CDYL: variants seen among roughly 807,000 people sequenced by gnomAD.
CDYL encodes the protein chromodomain Y-like protein.
CDYL carries 8 observed loss-of-function variants against 47.3 expected under a neutral mutation model. That is an observed-to-expected ratio of 0.17 (90% CI 0.10 to 0.31). The LOEUF is 0.31. Among genes scored for constraint, CDYL ranks in the 10% least tolerant of loss-of-function variants. The pLI, the probability that CDYL is intolerant of heterozygous loss-of-function variation, is 1.00. For synonymous variants in CDYL, 266 were observed against 265.0 expected, an observed-to-expected ratio of 1.00 and a Z score of -0.04; for missense variants, 471 against 701.4, an observed-to-expected ratio of 0.67 and a Z score of 3.71.
At chr6:4,788,086 A>G (rs1269622369) in intron 1 of CDYL, among the ~76,000 whole-genome samples, 1 of 151,972 alleles carries the variant, frequency 6.6e-6, no homozygotes, top group Non-Finnish European at 1.5e-5. Context: ...TTCGAGTCTT[A>G]TAGTCATAAT....
At chr6:4,723,970 T>C (rs570927274) in intron 2 of CDYL, among the ~76,000 whole-genome samples, 1 of 152,282 alleles carries the variant, frequency 6.6e-6, no homozygotes, top group East Asian at 1.9e-4. Context: ...AAAAGAGAGA[T>C]TTATGTATCC....
At chr6:4,918,934 T>C (rs1334261731) in intron 2 of CDYL, among the ~76,000 whole-genome samples, 1 of 152,186 alleles carries the variant, frequency 6.6e-6, no homozygotes, top group African/African-American at 2.4e-5. Context: ...AAGATTAAAA[T>C]TGACACAGGA....
chr6:4,840,338 A>G (rs951348142), intron 1 of CDYL, among the ~76,000 whole-genome samples: 5 of 152,176 alleles, frequency 3.3e-5, no homozygotes, highest in African/African-American at 1.2e-4. Flanking sequence ...GTATATGATC[A>G]TGTCATCAGC....
At chr6:4,855,531 C>G (rs1760980172) in intron 1 of CDYL, among the ~76,000 whole-genome samples, 1 of 152,160 alleles carries the variant, frequency 6.6e-6, no homozygotes, top group African/African-American at 2.4e-5. Flanking sequence ...AGATTCTCAA[C>G]CTAGAAAGTT....
chr6:4,911,067 C>G lies in CDYL; in HGVS notation c.691+18688C>G, dbSNP rs759153296. 3.3e-5 allele frequency among the ~76,000 whole-genome samples: 5 copies of G among 152,256 alleles called. No homozygotes were observed. The East Asian group carries it at 5.8e-4, about 18-fold the overall frequency. On this transcript the variant is annotated intron_variant, in intron 2 of 6. Coordinates refer to ENST00000397588, the MANE Select transcript of CDYL (RefSeq NM_004824.4). ...GGTCTCGATCTCTTGACCTCGTGAT[C>G]CACCCGCCTTGGCCTCCCAAAGTGC...
At chr6:4,947,390 C>A (rs1196559010) in intron 5 of CDYL, among the ~76,000 whole-genome samples, 1 of 152,150 alleles carries the variant, frequency 6.6e-6, no homozygotes, top group Non-Finnish European at 1.5e-5. Flanking sequence ...AGCTGACAGA[C>A]CCTCCTCCAG....
chr6:4,911,663 G>C (rs1209842180), intron 2 of CDYL, among the ~76,000 whole-genome samples: 1 of 151,932 alleles, frequency 6.6e-6, no homozygotes, highest in East Asian at 1.9e-4. Context: ...CCGCCCCTTA[G>C]CTTTAAATAA....
intron 1 of CDYL, among the ~76,000 whole-genome samples, chr6:4,780,741 A>AT (rs1561847220): frequency 6.6e-6 from 1 of 152,170 alleles, no homozygotes; most frequent in Non-Finnish European, 1.5e-5. Flanking sequence ...AGGAAAAAAA[A>AT]CCCATCCAAC....
At chr6:4,942,748 C>G (rs1318670520) in intron 4 of CDYL, among the ~76,000 whole-genome samples, 1 of 152,156 alleles carries the variant, frequency 6.6e-6, no homozygotes, top group African/African-American at 2.4e-5. Flanking sequence ...AAAGCAAATC[C>G]CAAAATAGCA....
intron 1 of CDYL, among the ~76,000 whole-genome samples, chr6:4,826,395 G>A (rs145130466): frequency 3.6e-4 from 55 of 151,742 alleles, no homozygotes; most frequent in African/African-American, 1.2e-3. Flanking sequence ...TGGTACCTTC[G>A]GGTTTACTTT....
intron 1 of CDYL, among the ~76,000 whole-genome samples, chr6:4,876,059 C>T (rs919665945): frequency 6.6e-6 from 1 of 152,230 alleles, no homozygotes; most frequent in Non-Finnish European, 1.5e-5. Context: ...AAAAGCTTAT[C>T]AAGCTGGAAA....
chr6:4,878,690 G>A (rs1761683085), intron 1 of CDYL, among the ~76,000 whole-genome samples: 2 of 151,760 alleles, frequency 1.3e-5, no homozygotes, highest in Admixed American at 1.3e-4. Flanking sequence ...TTGACTTAGG[G>A]CTATATCAAT....
chr6:4,943,863 G>C, intron 5 of CDYL, 107 bp downstream of exon 5: 3 of 796,568 alleles, frequency 3.8e-6, no homozygotes, highest in Non-Finnish European at 5.8e-6. Flanking sequence ...GTCATTCTGT[G>C]GGGACTTTCC....
At chr6:4,719,935 C>G (rs895197620) in intron 2 of CDYL, among the ~76,000 whole-genome samples, 1 of 152,216 alleles carries the variant, frequency 6.6e-6, no homozygotes, top group Non-Finnish European at 1.5e-5. Flanking sequence ...CTGTGTACAA[C>G]AAAATCACAT....
intron 3 of CDYL, among the ~76,000 whole-genome samples, chr6:4,758,370 A>ATATATATCTC (rs140149693): frequency 2.9e-5 from 4 of 137,762 alleles, no homozygotes; most frequent in African/African-American, 1.1e-4. Context: ...ATATATATAT[A>ATATATATCTC]TCTCTTTGTG....
intron 1 of CDYL, among the ~76,000 whole-genome samples, chr6:4,863,063 A>G (rs943840427): frequency 2.0e-5 from 3 of 152,224 alleles, no homozygotes. Flanking sequence ...AGCACAATGC[A>G]GCTGAAGGCC....
At chr6:4,832,245 G>C (rs1239272655) in intron 1 of CDYL, among the ~76,000 whole-genome samples, 1 of 152,148 alleles carries the variant, frequency 6.6e-6, no homozygotes, top group Non-Finnish European at 1.5e-5. Context: ...TTTGAGATAA[G>C]TCCCATCAAT....
intron 2 of CDYL, among the ~76,000 whole-genome samples, chr6:4,908,728 G>A (rs1424196162): frequency 6.6e-6 from 1 of 152,148 alleles, no homozygotes; most frequent in Non-Finnish European, 1.5e-5. Flanking sequence ...TTCTGATCCA[G>A]GAGAACCAGT....
chr6:4,837,175 T>G (rs1760341686), intron 1 of CDYL, among the ~76,000 whole-genome samples: 1 of 152,242 alleles, frequency 6.6e-6, no homozygotes, highest in African/African-American at 2.4e-5. Context: ...ATTGGCAATT[T>G]GTTTTATTTT....
Sources: allele counts gnomAD v4.1 joint callset (sites outside exome capture counted in the v4.1 genomes callset), GRCh38; gene constraint gnomAD v4.1.1; transcripts MANE v1.5; gene names NCBI Gene and HGNC (gene_info 2026-07-23, HGNC 2026-07-21).